The following FIRRM variants were observed in gnomAD, a reference collection of about 807,000 sequenced individuals.
FIRRM encodes the protein FIGNL1-interacting regulator of recombination and mitosis.
At chr1:169,793,035 T>C in the FIRRM span, 59 of 1,614,064 alleles carry the variant, frequency 3.7e-5, no homozygotes, top group Non-Finnish European at 4.9e-5. Context: ...TCAATCACCA[T>C]ACTGTTATAA....
the FIRRM span, chr1:169,827,913 A>G: frequency 4.6e-6 from 7 of 1,512,616 alleles, no homozygotes; most frequent in Non-Finnish European, 6.3e-6. Flanking sequence ...TGGTCTTGAA[A>G]TTAAGTTTGT....
At chr1:169,849,049 A>G in the FIRRM span, among the ~76,000 whole-genome samples, 107,430 of 152,120 alleles carry the variant, frequency 0.71, 38,137 homozygotes, top group Middle Eastern at 0.85. Flanking sequence ...TAACAACATG[A>G]TGATATGTGC....
chr1:169,803,164 C>G, the FIRRM span: 4 of 1,611,830 alleles, frequency 2.5e-6, no homozygotes, highest in Non-Finnish European at 3.4e-6. Flanking sequence ...CTTCCTTATT[C>G]ACAGACAATG....
the FIRRM span, among the ~76,000 whole-genome samples, chr1:169,797,346 C>A: frequency 6.6e-6 from 1 of 152,176 alleles, no homozygotes; most frequent in African/African-American, 2.4e-5. Context: ...CAGGCCTTAC[C>A]TGCATGTCTG....
the FIRRM span, chr1:169,853,168 T>G: frequency 3.1e-6 from 2 of 646,630 alleles, no homozygotes; most frequent in Non-Finnish European, 5.3e-6. Flanking sequence ...TGGTACAATG[T>G]ACTACATGTG....
chr1:169,797,358 A>G, the FIRRM span, among the ~76,000 whole-genome samples: 1 of 152,250 alleles, frequency 6.6e-6, no homozygotes, highest in Non-Finnish European at 1.5e-5. Context: ...GCATGTCTGC[A>G]TAATCATAAC....
the FIRRM span, chr1:169,852,857 T>C: frequency 6.2e-7 from 1 of 1,614,100 alleles, no homozygotes. Flanking sequence ...CTGCATACAA[T>C]AGCAGGGGCT....
chr1:169,816,087 C>T, the FIRRM span, among the ~76,000 whole-genome samples: 1 of 152,144 alleles, frequency 6.6e-6, no homozygotes, highest in South Asian at 2.1e-4. Flanking sequence ...AATTCATATT[C>T]CTACACAGAA....
At chr1:169,815,727 T>G in the FIRRM span, among the ~76,000 whole-genome samples, 1 of 152,204 alleles carries the variant, frequency 6.6e-6, no homozygotes, top group South Asian at 2.1e-4. Flanking sequence ...TGACTTAGGA[T>G]GCCTAACCTG....
the FIRRM span, among the ~76,000 whole-genome samples, chr1:169,805,249 A>G: frequency 6.6e-6 from 1 of 152,194 alleles, no homozygotes; most frequent in African/African-American, 2.4e-5. Flanking sequence ...TCCTGAGACA[A>G]CTTTCTCTGA....
At chr1:169,851,784 G>A in the FIRRM span, 59 of 1,607,124 alleles carry the variant, frequency 3.7e-5, no homozygotes, top group Non-Finnish European at 4.1e-5. Flanking sequence ...CTAACATGTT[G>A]CTATTTGCTT....
At chr1:169,830,831 G>T in the FIRRM span, 2 of 1,215,274 alleles carry the variant, frequency 1.6e-6, no homozygotes, top group South Asian at 1.2e-5. Context: ...TGTGAATATC[G>T]GCGGGAGAAA....
chr1:169,845,464 T>C, the FIRRM span, among the ~76,000 whole-genome samples: 2 of 152,210 alleles, frequency 1.3e-5, no homozygotes, highest in Non-Finnish European at 2.9e-5. Context: ...GAAAGATTTC[T>C]CTGTAGCATG....
At chr1:169,811,618 G>A in the FIRRM span, among the ~76,000 whole-genome samples, 1 of 152,152 alleles carries the variant, frequency 6.6e-6, no homozygotes, top group Non-Finnish European at 1.5e-5. Flanking sequence ...TCAGGCCACT[G>A]TACTCCAGCT....
the FIRRM span, among the ~76,000 whole-genome samples, chr1:169,810,036 G>T: frequency 6.6e-6 from 1 of 152,136 alleles, no homozygotes; most frequent in African/African-American, 2.4e-5. Context: ...TGTGCCGTCT[G>T]CTTCAAAAAT....
the FIRRM span, among the ~76,000 whole-genome samples, chr1:169,817,227 A>T: frequency 6.6e-6 from 1 of 152,186 alleles, no homozygotes; most frequent in Non-Finnish European, 1.5e-5. Flanking sequence ...GAGTCCTGAA[A>T]ATTTCTTTCC....
chr1:169,811,702 T>C, the FIRRM span, among the ~76,000 whole-genome samples: 1 of 149,530 alleles, frequency 6.7e-6, no homozygotes, highest in African/African-American at 2.5e-5. Context: ...ACAGATTATC[T>C]AAATAGATAA....
chr1:169,825,147 C>T, the FIRRM span, among the ~76,000 whole-genome samples: 1 of 152,166 alleles, frequency 6.6e-6, no homozygotes, highest in East Asian at 1.9e-4. Context: ...GATCTGACCC[C>T]CTATTATTTT....
chr1:169,797,669 C>T, the FIRRM span, among the ~76,000 whole-genome samples: 5 of 152,034 alleles, frequency 3.3e-5, no homozygotes, highest in Admixed American at 1.3e-4. Flanking sequence ...CTCAGCCTCC[C>T]GAGTAGCTGA....
Sources: gnomAD v4.1 joint callset for allele counts (sites outside exome capture counted in the v4.1 genomes callset) on GRCh38, gnomAD v4.1.1 for gene constraint, MANE v1.5 for transcripts, NCBI Gene and HGNC (gene_info 2026-07-23, HGNC 2026-07-21) for gene names.